RAPH1: variants seen among roughly 807,000 people sequenced by gnomAD.
The protein encoded by RAPH1 is ras-associated and pleckstrin homology domains-containing protein 1.
RAPH1 carries 18 observed loss-of-function variants against 88.1 expected under a neutral mutation model. That is an observed-to-expected ratio of 0.20 (90% CI 0.14 to 0.30). RAPH1 has a LOEUF of 0.30. RAPH1 is among the 10% of genes least tolerant of loss of function. The pLI, the probability that RAPH1 is intolerant of heterozygous loss-of-function variation, is 1.00. For missense variants in RAPH1, 1,448 were observed against 1,543.2 expected, an observed-to-expected ratio of 0.94 and a Z score of 1.03; for synonymous variants, 587 against 559.0, an observed-to-expected ratio of 1.05 and a Z score of -0.71.
intron 1 of RAPH1, among the ~76,000 whole-genome samples, chr2:203,507,350 T>A (rs1019527129): frequency 1.3e-5 from 2 of 152,198 alleles, no homozygotes; most frequent in Non-Finnish European, 2.9e-5. Flanking sequence ...ATTTTAAAAG[T>A]AATTTAAAAA....
chr2:203,452,342 T>C (rs989635032), intron 10 of RAPH1, among the ~76,000 whole-genome samples: 5 of 152,148 alleles, frequency 3.3e-5, no homozygotes, highest in African/African-American at 1.2e-4. Context: ...GAAGATGAAA[T>C]TACCATGCAA....
chr2:203,484,990 C>T lies in RAPH1; in HGVS notation c.732+4594G>A, dbSNP rs532560720. On this transcript the variant is annotated intron_variant, in intron 4 of 13. Transcript: ENST00000319170. ...AGGGAAAGAGACCACATGGTAAGTG[C>T]AGAAAACACCCTGGCTTAGGGAAAC... Among the ~76,000 whole-genome samples the T allele has an allele frequency of 2.0e-5, 3 of 152,296 alleles. No homozygotes were observed. The South Asian group carries it at 6.2e-4, about 32-fold the overall frequency.
intron 1 of RAPH1, among the ~76,000 whole-genome samples, chr2:203,506,792 A>C (rs1440812417): frequency 1.6e-5 from 2 of 123,968 alleles, no homozygotes; most frequent in South Asian, 2.4e-4. Context: ...AGATATATAT[A>C]TCTATATATA....
chr2:203,513,082 G>C (rs1436370823), intron 1 of RAPH1, among the ~76,000 whole-genome samples: 1 of 152,072 alleles, frequency 6.6e-6, no homozygotes, highest in Admixed American at 6.6e-5. Flanking sequence ...GATCTCCCTA[G>C]TTATCTAGGA....
chr2:203,499,904 A>C (rs1205717190), intron 1 of RAPH1, among the ~76,000 whole-genome samples: 2 of 152,210 alleles, frequency 1.3e-5, no homozygotes, highest in African/African-American at 2.4e-5. Flanking sequence ...AGGTGCCCCC[A>C]GACATTTTCT....
At position 203,440,699 on chromosome 2, in the gene RAPH1, G is replaced by A; in HGVS notation, c.2491C>T (p.Pro831Ser). ...GTTGGCGGGGGTACTGGAACAGGAG[G>A]GGTAGGGGGAGAGGGTGGAATGTAA... ...ASYIPPSPPT[P>S]PVPVPPPTLP... The change falls in exon 14 of 14, where the codon CCT (proline) becomes TCT (serine). Residue 831 changes from proline (P) to serine (S), a missense_variant. Coordinates refer to ENST00000319170, the MANE Select transcript of RAPH1 (RefSeq NM_213589.3). The A allele has an allele frequency of 6.3e-7, 1 of 1,596,642 alleles. No individual in the cohort carries two copies. Among genetic ancestry groups the A allele is most frequent in the Non-Finnish European group, 8.5e-7 (1 of 1,170,984 alleles).
chr2:203,468,258 G>A (rs1290812370), intron 4 of RAPH1, among the ~76,000 whole-genome samples: 7 of 152,070 alleles, frequency 4.6e-5, no homozygotes, highest in Admixed American at 2.0e-4. Context: ...ATAAAGCCTC[G>A]GTGTGGCTTG....
intron 1 of RAPH1, among the ~76,000 whole-genome samples, chr2:203,504,016 G>T (rs1490032368): frequency 6.6e-6 from 1 of 152,152 alleles, no homozygotes; most frequent in Non-Finnish European, 1.5e-5. Flanking sequence ...GGCTTTGCAG[G>T]GTACAGCCTC....
At chr2:203,443,305 A>G (rs2098505958) in intron 13 of RAPH1, 1 of 152,222 alleles carries the variant, frequency 6.6e-6, no homozygotes, top group African/African-American at 2.4e-5. Context: ...TAGTAAAAAT[A>G]AAATAGTTGA....
chr2:203,478,096 C>T (rs1687549020), intron 4 of RAPH1, among the ~76,000 whole-genome samples: 2 of 151,326 alleles, frequency 1.3e-5, no homozygotes, highest in African/African-American at 2.4e-5. Flanking sequence ...GCAAGTGGCA[C>T]GATCTCAGCT....
At chr2:203,461,540 A>ATTTG in intron 5 of RAPH1, 132 bp from the exon 6 acceptor site, 1 of 625,790 alleles carries the variant, frequency 1.6e-6, no homozygotes, top group Non-Finnish European at 2.5e-6. Flanking sequence ...TGACTTCATT[A>ATTTG]TGCAAAAATA....
At chr2:203,470,253 GAGA>G (rs868637574) in intron 4 of RAPH1, 3 of 1,612,136 alleles carry the variant, frequency 1.9e-6, no homozygotes, top group South Asian at 1.1e-5. Flanking sequence ...GTCAGCAAAT[GAGA>G]AGGTTTTCCT....
chr2:203,508,321 C>G (rs1359969289), intron 1 of RAPH1, among the ~76,000 whole-genome samples: 2 of 151,222 alleles, frequency 1.3e-5, no homozygotes, highest in African/African-American at 4.9e-5. Flanking sequence ...TTAGTAGAGA[C>G]AGGGTTTCTC....
intron 1 of RAPH1, among the ~76,000 whole-genome samples, chr2:203,518,725 G>A (rs921604061): frequency 6.6e-6 from 1 of 151,902 alleles, no homozygotes; most frequent in Non-Finnish European, 1.5e-5. Flanking sequence ...GCATGTGCCT[G>A]TAGTCCTAGT....
At chr2:203,489,319 CAT>C (rs1218389006) in intron 4 of RAPH1, among the ~76,000 whole-genome samples, 2 of 152,016 alleles carry the variant, frequency 1.3e-5, no homozygotes, top group Non-Finnish European at 2.9e-5. Flanking sequence ...TGAAATGACT[CAT>C]ATTACAATAA....
Position 203,506,770 on chromosome 2 carries a change from C to CTA in RAPH1, c.1-11419_1-11418dup, listed in dbSNP as rs1223111977. Among the ~76,000 whole-genome samples, 283 of 99,026 alleles carry CTA rather than the reference C, an allele frequency of 2.9e-3. 30 individuals are homozygous for CTA. The highest frequency in any genetic ancestry group is 0.013 in the African/African-American group (250 of 19,836). 65.0% of individuals were successfully genotyped at this position (99,026 alleles called of 152,430 possible). A position where few individuals can be genotyped will look rare whatever the true frequency, so the allele number is the denominator to read the frequency against. ...TATATATATATATCTATATATATAT[C>CTA]TATATATATCTAGATATATATATCT... On this transcript the variant is annotated intron_variant, in intron 1 of 13. Transcript: ENST00000319170.
intron 3 of RAPH1, among the ~76,000 whole-genome samples, chr2:203,490,487 C>T (rs1688210703): frequency 6.6e-6 from 1 of 152,134 alleles, no homozygotes; most frequent in Non-Finnish European, 1.5e-5. Context: ...TAAAAAATTA[C>T]AGACTGACAG....
At chr2:203,464,952 C>A (rs2098527303) in intron 4 of RAPH1, among the ~76,000 whole-genome samples, 1 of 152,150 alleles carries the variant, frequency 6.6e-6, no homozygotes, top group Admixed American at 6.5e-5. Flanking sequence ...CACTACACAC[C>A]TATCAGAATG....
chr2:203,506,873 TATATATAG>T (rs1559494981), intron 1 of RAPH1, among the ~76,000 whole-genome samples: 9 of 105,434 alleles, frequency 8.5e-5, no homozygotes, highest in Non-Finnish European at 1.4e-4. Context: ...TATATATATA[TATATATAG>T]ATATATATAT....
Sources: gnomAD v4.1 joint callset for allele counts (sites outside exome capture counted in the v4.1 genomes callset) on GRCh38, gnomAD v4.1.1 for gene constraint, MANE v1.5 for transcripts, NCBI Gene and HGNC (gene_info 2026-07-23, HGNC 2026-07-21) for gene names.